Variants in LTAP1 observed in about 807,000 individuals in gnomAD.
LTAP1 encodes the protein lipid transport auxiliary protein 1.
chr1:154,216,151 C>T, the LTAP1 span, among the ~76,000 whole-genome samples: 33 of 151,814 alleles, frequency 2.2e-4, no homozygotes, highest in Non-Finnish European at 4.7e-4. Flanking sequence ...CACTAACTTT[C>T]AAGTCTTGTG....
At chr1:154,220,236 T>C in the LTAP1 span, 27 of 1,362,758 alleles carry the variant, frequency 2.0e-5, no homozygotes, top group African/African-American at 2.9e-5. Flanking sequence ...AAAGCCCGGA[T>C]AGGCGCAGGT....
At chr1:154,216,688 G>A in the LTAP1 span, among the ~76,000 whole-genome samples, 3 of 150,658 alleles carry the variant, frequency 2.0e-5, no homozygotes, top group African/African-American at 7.3e-5. Context: ...CTAATTTTTT[G>A]TATTTTTCGT....
the LTAP1 span, chr1:154,212,156 C>T: frequency 7.4e-3 from 5,802 of 788,284 alleles, 43 homozygotes; most frequent in Middle Eastern, 0.011. Context: ...TGTGCCCGGC[C>T]GCATCTGCTT....
chr1:154,207,983 C>G, the LTAP1 span, among the ~76,000 whole-genome samples: 1 of 152,006 alleles, frequency 6.6e-6, no homozygotes, highest in African/African-American at 2.4e-5. Flanking sequence ...TGCCTGTAAT[C>G]CCAGCTACTC....
At chr1:154,220,322 G>T in the LTAP1 span, 2 of 1,613,326 alleles carry the variant, frequency 1.2e-6, no homozygotes, top group Non-Finnish European at 1.7e-6. Flanking sequence ...AGCAGGAATG[G>T]GGTGGGGTAA....
At chr1:154,211,650 C>G in the LTAP1 span, 2 of 149,872 alleles carry the variant, frequency 1.3e-5, no homozygotes, top group Non-Finnish European at 3.0e-5. Flanking sequence ...TTATTTAATT[C>G]TTACTTTTAT....
the LTAP1 span, among the ~76,000 whole-genome samples, chr1:154,216,477 G>C: frequency 6.6e-6 from 1 of 151,804 alleles, no homozygotes; most frequent in Non-Finnish European, 1.5e-5. Flanking sequence ...TGGGGTTACA[G>C]GCACACACCA....
At chr1:154,212,894 A>G in the LTAP1 span, among the ~76,000 whole-genome samples, 1 of 151,990 alleles carries the variant, frequency 6.6e-6, no homozygotes, top group Non-Finnish European at 1.5e-5. Context: ...GTTGGTCTTG[A>G]ACTCCTGGCC....
the LTAP1 span, chr1:154,212,567 C>T: frequency 2.5e-6 from 4 of 1,614,050 alleles, no homozygotes; most frequent in East Asian, 2.2e-5. Context: ...CAGGTAGGAG[C>T]GGAAATTCTT....
chr1:154,218,790 C>T, the LTAP1 span, among the ~76,000 whole-genome samples: 1 of 152,030 alleles, frequency 6.6e-6, no homozygotes, highest in South Asian at 2.1e-4. Context: ...TACGGTCTAG[C>T]GGAAGAGAGA....
the LTAP1 span, among the ~76,000 whole-genome samples, chr1:154,218,534 A>G: frequency 6.6e-6 from 1 of 152,254 alleles, no homozygotes; most frequent in Non-Finnish European, 1.5e-5. Flanking sequence ...CAAAGAACAA[A>G]GAGGGGAAGG....
the LTAP1 span, chr1:154,212,206 A>G: frequency 8.7e-7 from 1 of 1,151,528 alleles, no homozygotes; most frequent in Non-Finnish European, 1.3e-6. Flanking sequence ...AGAACCTGAC[A>G]ACTCTTATGG....
chr1:154,212,537 C>T, the LTAP1 span: 1 of 1,614,182 alleles, frequency 6.2e-7, no homozygotes, highest in South Asian at 1.1e-5. Context: ...GAAAGGCGTA[C>T]TAGTGTTTCG....
the LTAP1 span, among the ~76,000 whole-genome samples, chr1:154,218,106 T>A: frequency 6.6e-6 from 1 of 152,162 alleles, no homozygotes; most frequent in African/African-American, 2.4e-5. Flanking sequence ...ATATAATAAT[T>A]GAAAAGTGGA....
chr1:154,217,551 GAGAC>G, the LTAP1 span, among the ~76,000 whole-genome samples: 1 of 151,852 alleles, frequency 6.6e-6, no homozygotes, highest in African/African-American at 2.4e-5. Context: ...TGTTTTTGGT[GAGAC>G]AGAGTCTCGC....
the LTAP1 span, among the ~76,000 whole-genome samples, chr1:154,211,484 G>C: frequency 2.0e-5 from 3 of 150,238 alleles, no homozygotes; most frequent in African/African-American, 7.3e-5. Context: ...TTACAGGCAC[G>C]CACCACCATG....
At chr1:154,220,567 C>T in the LTAP1 span, 2,710 of 698,432 alleles carry the variant, frequency 3.9e-3, 12 homozygotes, top group Non-Finnish European at 4.9e-3. Flanking sequence ...ACATGGCGGA[C>T]AGGCAGGAGA....
At chr1:154,217,787 G>A in the LTAP1 span, among the ~76,000 whole-genome samples, 6 of 152,070 alleles carry the variant, frequency 3.9e-5, no homozygotes, top group Admixed American at 3.3e-4. Flanking sequence ...TGGGATTACC[G>A]GCATGAGCTA....
chr1:154,212,682 A>G, the LTAP1 span: 1 of 1,592,940 alleles, frequency 6.3e-7, no homozygotes, highest in East Asian at 2.2e-5. Context: ...TTTTTTTGAG[A>G]TGGAGTCTCG....
Sources: gnomAD v4.1 joint callset for allele counts (sites outside exome capture counted in the v4.1 genomes callset) on GRCh38, gnomAD v4.1.1 for gene constraint, MANE v1.5 for transcripts, NCBI Gene and HGNC (gene_info 2026-07-23, HGNC 2026-07-21) for gene names.